JAK1: variants seen among roughly 807,000 people sequenced by gnomAD.
JAK1 encodes the protein Janus kinase 1.
A neutral mutation model predicts 136.6 loss-of-function variants in JAK1; 16 were observed. The observed-to-expected ratio is 0.12, with a 90% confidence interval of 0.08 to 0.18. JAK1 has a LOEUF of 0.18. Among genes scored for constraint, JAK1 ranks in the 10% least tolerant of loss-of-function variants. The pLI, the probability that JAK1 is intolerant of heterozygous loss-of-function variation, is 1.00. For missense variants in JAK1, 859 were observed against 1,450.1 expected, an observed-to-expected ratio of 0.59 and a Z score of 6.62; for synonymous variants, 492 against 519.5, an observed-to-expected ratio of 0.95 and a Z score of 0.72.
At chr1:64,845,978 T>A (rs1655204930) in intron 14 of JAK1, among the ~76,000 whole-genome samples, 1 of 152,234 alleles carries the variant, frequency 6.6e-6, no homozygotes, top group African/African-American at 2.4e-5. Flanking sequence ...CCACCACTGC[T>A]GCTGTTCTAC....
intron 2 of JAK1, among the ~76,000 whole-genome samples, chr1:65,020,071 TA>T (rs1303274002): frequency 4.0e-5 from 6 of 149,372 alleles, no homozygotes; most frequent in African/African-American, 1.2e-4. Flanking sequence ...ACTAAAAGTA[TA>T]AAATTAGCCA....
intron 2 of JAK1, among the ~76,000 whole-genome samples, chr1:65,024,549 A>G (rs1285093604): frequency 2.0e-5 from 3 of 152,022 alleles, no homozygotes; most frequent in Admixed American, 6.6e-5. Context: ...AGTTGAAAGT[A>G]ACAGAAAACC....
At chr1:65,043,533 GTTTTTGT>G (rs1345299347) in intron 2 of JAK1, among the ~76,000 whole-genome samples, 1 of 151,732 alleles carries the variant, frequency 6.6e-6, no homozygotes, top group African/African-American at 2.4e-5. Flanking sequence ...TATATAGTTT[GTTTTTGT>G]TTTTTGTTTT....
intron 2 of JAK1, among the ~76,000 whole-genome samples, chr1:64,980,128 G>C (rs1029214466): frequency 1.3e-5 from 2 of 152,160 alleles, no homozygotes; most frequent in African/African-American, 4.8e-5. Flanking sequence ...AAGAAGGAAA[G>C]AGAAAAGACT....
chr1:65,047,706 G>C (rs890895607), intron 1 of JAK1, among the ~76,000 whole-genome samples: 1 of 151,028 alleles, frequency 6.6e-6, no homozygotes, highest in Non-Finnish European at 1.5e-5. Flanking sequence ...GCAACAGAGC[G>C]AGACTTCATC....
At chr1:65,022,542 G>C (rs1230828522) in intron 2 of JAK1, among the ~76,000 whole-genome samples, 4 of 152,138 alleles carry the variant, frequency 2.6e-5, no homozygotes, top group African/African-American at 9.6e-5. Flanking sequence ...TGGGAGGTGG[G>C]GTGATGTAAA....
chr1:64,837,910 C>G, intron 22 of JAK1, 22 bp downstream of exon 22: 1 of 1,599,044 alleles, frequency 6.3e-7, no homozygotes, highest in Non-Finnish European at 8.6e-7. Context: ...ATTGATAAAA[C>G]CTAGTGGTTT....
At chr1:65,036,432 G>A (rs550828181) in intron 2 of JAK1, among the ~76,000 whole-genome samples, 18 of 152,090 alleles carry the variant, frequency 1.2e-4, no homozygotes, top group Admixed American at 6.6e-4. Flanking sequence ...GAAAGTCCCC[G>A]TGCAGGCCAA....
chr1:64,887,098 A>T (rs1441171146), intron 1 of JAK1, among the ~76,000 whole-genome samples: 1 of 152,218 alleles, frequency 6.6e-6, no homozygotes, highest in Non-Finnish European at 1.5e-5. Flanking sequence ...GGTTGGAGAC[A>T]GCACAAATGG....
At chr1:64,859,979 G>A in intron 9 of JAK1, 126 bp downstream of exon 9, 1 of 741,294 alleles carries the variant, frequency 1.3e-6, no homozygotes, top group East Asian at 2.9e-5. Context: ...GGGAGGAAAG[G>A]AGGACAGCCA....
rs748476774 is a variant in JAK1 at position 64,873,421 on chromosome 1, T to G, written c.432A>C (p.Pro144=). ...QKNGYEKKKI[P]DATPLLDASS... ...TGGCATCAAGGAGAGGGGTTGCATC[T>G]GGAATCTTTTTTTTCTCGTAGCCAT... Residue 144 remains proline, a synonymous_variant, in exon 5 of 25, where the codon CCA becomes CCC. Transcript: ENST00000342505. 2.5e-6 allele frequency: 4 copies of G among 1,614,058 alleles called. No homozygotes were observed. Among genetic ancestry groups the G allele is most frequent in the Non-Finnish European group, 2.5e-6 (3 of 1,180,034 alleles).
Position 64,857,676 on chromosome 1 carries a change from T to G in JAK1, c.1438A>C (p.Thr480Pro). 6.2e-7 allele frequency: 1 copy of G among 1,614,190 alleles called. No individual in the cohort carries two copies. Among genetic ancestry groups the G allele is most frequent in the Non-Finnish European group, 8.5e-7 (1 of 1,180,038 alleles). ...TDFDNILMTVTCFEKSEQVQG... is the reference protein window; with the variant it reads ...TDFDNILMTVPCFEKSEQVQG... Reference sequence around the variant, plus strand: ...CTGACCTCAGACTTCTCAAAGCAGGTGACGGTCATGAGGATGTTGTCAAAG... The same window carrying G: ...CTGACCTCAGACTTCTCAAAGCAGGGGACGGTCATGAGGATGTTGTCAAAG... The change falls in exon 10 of 25, where the codon ACC (threonine) becomes CCC (proline). Residue 480 changes from threonine (T) to proline (P), a missense_variant. By Grantham distance (38) the Thr-to-Pro change is conservative. Coordinates refer to ENST00000342505, the MANE Select transcript of JAK1 (RefSeq NM_002227.4).
intron 10 of JAK1, among the ~76,000 whole-genome samples, chr1:64,856,770 C>A (rs539039624): frequency 6.6e-6 from 1 of 152,260 alleles, no homozygotes; most frequent in South Asian, 2.1e-4. Context: ...ATTGCATCAC[C>A]CAGGACACTT....
At position 64,838,033 on chromosome 1, in the gene JAK1, A is replaced by C. The variant is rs1230988005; in HGVS notation, c.3039T>G (p.Ser1013Arg). The C allele has an allele frequency of 1.2e-6, 2 of 1,614,078 alleles. No homozygotes were observed. The highest frequency in any genetic ancestry group is 3.3e-5 in the Admixed American group (2 of 60,014). ...DLAARNVLVE[S>R]EHQVKIGDFG... ...AGTCTCCAATTTTCACTTGGTGTTC[A>C]CTCTCAACAAGGACATTTCTTGCTG... The change falls in exon 22 of 25, where the codon AGT (serine) becomes AGG (arginine). Residue 1013 changes from serine (S) to arginine (R), a missense_variant. Around this residue, in one of 4 missense-constraint regions of JAK1, gnomAD observed 44 missense variants for 137.6 expected, o/e 0.32. Coordinates refer to ENST00000342505, the MANE Select transcript of JAK1 (RefSeq NM_002227.4).
chr1:64,870,895 T>G (rs1412437984), intron 5 of JAK1, among the ~76,000 whole-genome samples: 8 of 152,210 alleles, frequency 5.3e-5, no homozygotes, highest in Non-Finnish European at 1.2e-4. Context: ...AAGGAAAACC[T>G]GAAACTGTCC....
chr1:64,998,914 G>A (rs969601861), intron 2 of JAK1, among the ~76,000 whole-genome samples: 1 of 152,168 alleles, frequency 6.6e-6, no homozygotes, highest in African/African-American at 2.4e-5. Flanking sequence ...TATCAGCCAC[G>A]TGAAAATGGA....
At chr1:64,968,122 C>G (rs114678112), upstream of JAK1, among the ~76,000 whole-genome samples, 193 of 152,156 alleles carry the variant, frequency 1.3e-3, 1 homozygote, top group African/African-American at 4.5e-3. Context: ...GAAAGAACAG[C>G]ATTTCAGGTG....
intron 2 of JAK1, among the ~76,000 whole-genome samples, chr1:64,999,735 TAAAAAA>T (rs77414910): frequency 7.7e-6 from 1 of 130,272 alleles, no homozygotes. Flanking sequence ...ACCCTCTCTT[TAAAAAA>T]AAAAAAAAAA....
chr1:64,922,954 C>A (rs1329201368), intron 1 of JAK1, among the ~76,000 whole-genome samples: 1 of 152,116 alleles, frequency 6.6e-6, no homozygotes, highest in East Asian at 1.9e-4. Context: ...AAGGACCAAC[C>A]ACAGTGGAAA....
Sources: allele counts gnomAD v4.1 joint callset (sites outside exome capture counted in the v4.1 genomes callset), GRCh38; gene constraint gnomAD v4.1.1; regional missense constraint gnomAD v4.1.1; transcripts MANE v1.5; gene names NCBI Gene and HGNC (gene_info 2026-07-23, HGNC 2026-07-21).